NELL1: variants seen among roughly 807,000 people sequenced by gnomAD.
NELL1 encodes the protein protein kinase C-binding protein NELL1.
NELL1 carries 76 observed loss-of-function variants against 107.4 expected under a neutral mutation model. The observed-to-expected ratio is 0.71, with a 90% CI of 0.59 to 0.86. The LOEUF (loss-of-function observed/expected upper bound fraction) is 0.86. Ranked by LOEUF, NELL1 falls within the 40% of genes least tolerant of loss-of-function variation. The pLI, the probability that NELL1 is intolerant of heterozygous loss-of-function variation, is 0.00. For synonymous variants in NELL1, 353 were observed against 341.2 expected (o/e 1.03, Z -0.38); for missense variants, 1,024 against 1,005.5 (o/e 1.02, Z -0.25).
chr11:21,118,042 A>G (rs1402818614), intron 13 of NELL1, among the ~76,000 whole-genome samples: 1 of 152,100 alleles, frequency 6.6e-6, no homozygotes, highest in African/African-American at 2.4e-5. Context: ...TGACATGAGT[A>G]GCTGTTGATT....
intron 13 of NELL1, among the ~76,000 whole-genome samples, chr11:21,212,189 G>A (rs1456207196): frequency 6.6e-6 from 1 of 152,064 alleles, no homozygotes; most frequent in Non-Finnish European, 1.5e-5. Flanking sequence ...TATAATATTA[G>A]GCCATATACA....
At chr11:21,119,403 G>A (rs1296384813) in intron 13 of NELL1, among the ~76,000 whole-genome samples, 5 of 149,674 alleles carry the variant, frequency 3.3e-5, no homozygotes, top group Non-Finnish European at 7.4e-5. Context: ...AAAAAAAAAG[G>A]ATTATATATA....
intron 12 of NELL1, among the ~76,000 whole-genome samples, chr11:21,062,319 T>C (rs1853761190): frequency 6.6e-6 from 1 of 152,222 alleles, no homozygotes. Context: ...CGGTGATTAC[T>C]GAAAAACTTA....
chr11:21,254,813 G>C (rs969029259), intron 14 of NELL1, among the ~76,000 whole-genome samples: 2 of 152,062 alleles, frequency 1.3e-5, no homozygotes, highest in Non-Finnish European at 2.9e-5. Flanking sequence ...TTCTGAAAAA[G>C]CCCAGCTGTG....
At chr11:21,035,086 C>G (rs1853055536) in intron 12 of NELL1, among the ~76,000 whole-genome samples, 1 of 151,912 alleles carries the variant, frequency 6.6e-6, no homozygotes, top group African/African-American at 2.4e-5. Context: ...CTACAAACAA[C>G]CATTAGAGGA....
chr11:20,737,134 T>G (rs1855780598), intron 2 of NELL1, among the ~76,000 whole-genome samples: 1 of 152,140 alleles, frequency 6.6e-6, no homozygotes, highest in South Asian at 2.1e-4. Flanking sequence ...TTTACTTACC[T>G]GCTCTTATTT....
chr11:21,306,454 TATAATA>T (rs748391315), intron 14 of NELL1, among the ~76,000 whole-genome samples: 8 of 152,078 alleles, frequency 5.3e-5, no homozygotes, highest in Non-Finnish European at 1.2e-4. Context: ...CTTACTGAAG[TATAATA>T]ATAATGATGA....
intron 15 of NELL1, among the ~76,000 whole-genome samples, chr11:21,493,289 A>G (rs1335394468): frequency 6.6e-6 from 1 of 152,148 alleles, no homozygotes; most frequent in Non-Finnish European, 1.5e-5. Context: ...ACATGTGCAT[A>G]TTTAGCACTT....
At chr11:21,061,934 C>A (rs1038851056) in intron 12 of NELL1, among the ~76,000 whole-genome samples, 1 of 152,154 alleles carries the variant, frequency 6.6e-6, no homozygotes, top group Non-Finnish European at 1.5e-5. Context: ...TCCAACTCAG[C>A]CTTAGTCTTT....
At chr11:20,936,475 C>A (rs1214571909) in intron 9 of NELL1, among the ~76,000 whole-genome samples, 1 of 152,164 alleles carries the variant, frequency 6.6e-6, no homozygotes, top group East Asian at 1.9e-4. Context: ...GACTAGATGA[C>A]TACTGTTTGT....
chr11:21,156,651 C>G (rs912323347), intron 13 of NELL1, among the ~76,000 whole-genome samples: 14 of 152,042 alleles, frequency 9.2e-5, no homozygotes, highest in Non-Finnish European at 1.5e-4. Flanking sequence ...GAGGATGACA[C>G]TGAAGCAGAA....
rs190760624 is a variant in NELL1 at position 21,037,414 on chromosome 11, G to A, written c.1301-76175G>A. Among the ~76,000 whole-genome samples, 735 of 152,090 alleles carry A rather than the reference G, an allele frequency of 4.8e-3. 6 individuals are homozygous for A. The highest frequency in any genetic ancestry group is 0.017 in the African/African-American group (694 of 41,486). ...TAAATTTGACCTTGAAACTGTCAGTGTAGGCCTGTGCTTATACAATTCTAG... is the reference window on the plus strand; with the variant it reads ...TAAATTTGACCTTGAAACTGTCAGTATAGGCCTGTGCTTATACAATTCTAG... On this transcript the variant is annotated intron_variant, in intron 12 of 19. Coordinates refer to ENST00000357134, the MANE Select transcript of NELL1 (RefSeq NM_006157.5).
chr11:21,234,919 A>G (rs749411812), intron 14 of NELL1, among the ~76,000 whole-genome samples: 1 of 152,174 alleles, frequency 6.6e-6, no homozygotes, highest in Non-Finnish European at 1.5e-5. Flanking sequence ...AGAAAGGGAG[A>G]GGGAGAGGGA....
rs565881154 is a variant in NELL1 at position 21,408,607 on chromosome 11, T to C, written c.1645+37659T>C. On this transcript the variant is annotated intron_variant, in intron 15 of 19. Coordinates refer to ENST00000357134, the MANE Select transcript of NELL1 (RefSeq NM_006157.5). ...AGTAGGTTGCGAAAATTTTCTCCCA[T>C]TTTGTAGGTTGCCTGTTCACTCTGA... 2.6e-5 allele frequency among the ~76,000 whole-genome samples: 4 copies of C among 152,152 alleles called. No homozygotes were observed. In the South Asian group the frequency reaches 6.2e-4, roughly 24 times the overall value.
chr11:21,289,827 T>C (rs1320492280), intron 14 of NELL1, among the ~76,000 whole-genome samples: 2 of 152,156 alleles, frequency 1.3e-5, no homozygotes, highest in African/African-American at 2.4e-5. Context: ...CCGCCATTAC[T>C]GAGGCTTGAG....
chr11:21,170,167 T>C, intron 13 of NELL1: 1 of 629,424 alleles, frequency 1.6e-6, no homozygotes, highest in Non-Finnish European at 2.9e-6. Context: ...TGGGATGTGA[T>C]CTAAGCAGGT....
At chr11:21,421,266 G>T (rs995427661) in intron 15 of NELL1, among the ~76,000 whole-genome samples, 1 of 152,114 alleles carries the variant, frequency 6.6e-6, no homozygotes, top group African/African-American at 2.4e-5. Flanking sequence ...TCTTTCTGAC[G>T]TAACTATTTT....
intron 12 of NELL1, among the ~76,000 whole-genome samples, chr11:21,097,819 A>G (rs1230507630): frequency 1.3e-5 from 2 of 152,212 alleles, no homozygotes; most frequent in Non-Finnish European, 2.9e-5. Flanking sequence ...TTCCTAGCTT[A>G]AAAACTTAAA....
In NELL1 at chr11:21,557,065, T is replaced by C. The variant is rs188547078; in HGVS notation, c.1787-3124T>C. On this transcript the variant is annotated intron_variant, in intron 16 of 19. Transcript: ENST00000357134. Reference sequence around the variant, plus strand: ...GTTGGCTGCCTTGGGATATGTATAATAGATTAAGTTGGCTTTGTGCAGAGC... The same window carrying C: ...GTTGGCTGCCTTGGGATATGTATAACAGATTAAGTTGGCTTTGTGCAGAGC... 3.9e-5 allele frequency among the ~76,000 whole-genome samples: 6 copies of C among 152,068 alleles called. No homozygotes were observed. The East Asian group carries it at 1.2e-3, about 30-fold the overall frequency.
Sources: gnomAD v4.1 joint callset for allele counts (sites outside exome capture counted in the v4.1 genomes callset) on GRCh38, gnomAD v4.1.1 for gene constraint, MANE v1.5 for transcripts, NCBI Gene and HGNC (gene_info 2026-07-23, HGNC 2026-07-21) for gene names.